The following CDH23 variants were observed in gnomAD, a reference collection of about 807,000 sequenced individuals.
CDH23 encodes cadherin-23.
CDH23 carries 189 observed loss-of-function variants against 317.1 expected under a neutral mutation model. The ratio of observed to expected loss-of-function variants is 0.60; its 90% CI spans 0.53 to 0.67. The LOEUF (loss-of-function observed/expected upper bound fraction) is 0.67, where lower values mean the gene tolerates loss of function less well. CDH23 is among the 30% of genes least tolerant of loss of function. The probability of loss-of-function intolerance (pLI) is 0.00; values close to 1 mark genes in which losing one functional copy is unlikely to be tolerated. For synonymous variants in CDH23, 1,839 were observed against 1,876.8 expected (o/e 0.98, Z 0.52); for missense variants, 4,401 against 4,592.4 (o/e 0.96, Z 1.20).
intron 22 of CDH23, among the ~76,000 whole-genome samples, chr10:71,697,986 C>G (rs754599161): frequency 6.6e-6 from 1 of 152,110 alleles, no homozygotes; most frequent in South Asian, 2.1e-4. Context: ...GATAAAAGGG[C>G]AAAATCAAAA....
chr10:71,775,982 T>C (rs778701468), intron 38 of CDH23, among the ~76,000 whole-genome samples: 2 of 152,160 alleles, frequency 1.3e-5, no homozygotes, highest in Non-Finnish European at 2.9e-5. Flanking sequence ...GGAAAGGGGC[T>C]GAATTCCAGC....
chr10:71,707,295 G>T, intron 26 of CDH23: 3 of 1,432,330 alleles, frequency 2.1e-6, no homozygotes, highest in Non-Finnish European at 2.7e-6. Flanking sequence ...TTGCAGGGAC[G>T]GGGAGCATCT....
In CDH23 at chr10:71,675,102, G is replaced by A. The variant is rs751220612; in HGVS notation, c.1450-10G>A. On this transcript the variant is annotated splice_polypyrimidine_tract_variant and intron_variant, in intron 14 of 69. Transcript: ENST00000224721. ...CTGGCAGTAATGACTTCTTGTTCTC[G>A]CTGTTGCAGGCAACTGACAATGATG... is the stretch of plus-strand genomic sequence containing the variant. 61 of 1,613,370 alleles carry A rather than the reference G, an allele frequency of 3.8e-5. No individual in the cohort carries two copies. Among genetic ancestry groups the A allele is most frequent in the Middle Eastern group, 1.6e-4 (1 of 6,082 alleles).
chr10:71,668,724 G>A (rs756003046), intron 14 of CDH23, among the ~76,000 whole-genome samples: 13 of 152,100 alleles, frequency 8.5e-5, no homozygotes, highest in Non-Finnish European at 1.8e-4. Context: ...CCTTCCCCTC[G>A]CTACAGCCAG....
At chr10:71,534,973 G>C (rs1194971047) in intron 6 of CDH23, among the ~76,000 whole-genome samples, 3 of 152,274 alleles carry the variant, frequency 2.0e-5, no homozygotes, top group Admixed American at 6.5e-5. Context: ...AAGAGCCCCT[G>C]TCTTCCCCTC....
At chr10:71,718,920 GT>G (rs1364371995) in intron 28 of CDH23, among the ~76,000 whole-genome samples, 1 of 151,812 alleles carries the variant, frequency 6.6e-6, no homozygotes, top group Non-Finnish European at 1.5e-5. Context: ...AAAAAAAAAG[GT>G]TTTTTAATTA....
At chr10:71,742,048 TC>T in intron 38 of CDH23, 127 bp downstream of exon 38, 1 of 794,498 alleles carries the variant, frequency 1.3e-6, no homozygotes, top group Non-Finnish European at 2.0e-6. Context: ...ACTCCTTTAG[TC>T]CATCTGCCTT....
At chr10:71,808,594 T>C (rs948751805) in intron 60 of CDH23, among the ~76,000 whole-genome samples, 4 of 152,244 alleles carry the variant, frequency 2.6e-5, no homozygotes, top group Admixed American at 2.6e-4. Context: ...TGAGACCCTC[T>C]GGGTCAGGCT....
At chr10:71,532,711 G>GTTTTTTTTTTTTTTT (rs531593760) in intron 6 of CDH23, among the ~76,000 whole-genome samples, 21 of 128,078 alleles carry the variant, frequency 1.6e-4, no homozygotes, top group Non-Finnish European at 2.5e-4. Context: ...TTTTGTTTTT[G>GTTTTTTTTTTTTTTT]TTTTTTTTTT....
chr10:71,421,938 G>GGCATCCT lies in CDH23; in HGVS notation c.-5-17888_-5-17882dup, dbSNP rs1848839384. ...AAAGAGGAAGGGTGTTAAGAGGAAA[G>GGCATCCT]GCATCCTTATTAACCAAGTTGTCCA... On this transcript the variant is annotated intron_variant, in intron 1 of 69. Transcript: ENST00000224721. Among the ~76,000 whole-genome samples, 6 of 151,996 alleles carry GGCATCCT rather than the reference G, an allele frequency of 3.9e-5. No individual in the cohort carries two copies. The South Asian group carries it at 1.2e-3, about 32-fold the overall frequency.
At chr10:71,646,368 G>T in intron 13 of CDH23, 91 bp from the exon 14 acceptor site, 1 of 1,558,086 alleles carries the variant, frequency 6.4e-7, no homozygotes, top group Non-Finnish European at 8.7e-7. Flanking sequence ...CTGGGCTGGG[G>T]CCGGCAAAGG....
chr10:71,515,436 T>C (rs528619168), intron 6 of CDH23, among the ~76,000 whole-genome samples: 1 of 148,780 alleles, frequency 6.7e-6, no homozygotes, highest in Non-Finnish European at 1.5e-5. Flanking sequence ...ATACACATTG[T>C]ACTTTTCTAA....
Position 71,509,967 on chromosome 10 carries a change from T to C in CDH23, c.146-115T>C, listed in dbSNP as rs1003352855. On this transcript the variant is annotated intron_variant, in intron 3 of 69. Coordinates refer to ENST00000224721, the MANE Select transcript of CDH23 (RefSeq NM_022124.6). ...GGCCTTGTGATGATCTGTGGCCTGCTGGAGGATTGCTGAATGGCCACTCCC... is the reference window on the plus strand; with the variant it reads ...GGCCTTGTGATGATCTGTGGCCTGCCGGAGGATTGCTGAATGGCCACTCCC... The C allele has an allele frequency of 3.3e-6, 4 of 1,198,414 alleles. No individual in the cohort carries two copies. In the African/African-American group the frequency reaches 4.5e-5, roughly 13 times the overall value. 74.2% of individuals were successfully genotyped at this position (1,198,414 alleles called of 1,614,324 possible).
chr10:71,598,749 G>A (rs1176658801), intron 9 of CDH23, among the ~76,000 whole-genome samples: 5 of 152,258 alleles, frequency 3.3e-5, no homozygotes, highest in African/African-American at 1.2e-4. Flanking sequence ...TGGTCGAAAA[G>A]GCAAGGACGT....
intron 3 of CDH23, among the ~76,000 whole-genome samples, chr10:71,501,205 T>C (rs1853312150): frequency 6.6e-6 from 1 of 152,204 alleles, no homozygotes; most frequent in Non-Finnish European, 1.5e-5. Context: ...ACAGGGATGC[T>C]AACCCCTCTG....
At chr10:71,690,615 C>A (rs1322163269) in intron 20 of CDH23, 31 bp downstream of exon 20, 1 of 1,463,458 alleles carries the variant, frequency 6.8e-7, no homozygotes, top group East Asian at 2.4e-5. Flanking sequence ...TACCCTGGTC[C>A]TCCACACCCT....
Position 71,577,973 on chromosome 10 carries a change from T to G in CDH23, c.813T>G (p.Ile271Met). 6.2e-7 allele frequency: 1 copy of G among 1,602,882 alleles called. No homozygotes were observed. The highest frequency in any genetic ancestry group is 2.3e-5 in the East Asian group (1 of 44,402). Residue 271 changes from isoleucine (I) to methionine (M), a missense_variant, in exon 9 of 70, where the codon ATT becomes ATG. By Grantham distance (10) the Ile-to-Met change is conservative. Transcript: ENST00000224721. Reference sequence around the variant, plus strand: ...AGGATAAAGGACGTCCCCGGGGCATTGGCTACACCATCGTTTCAGGTAAGA... The same window carrying G: ...AGGATAAAGGACGTCCCCGGGGCATGGGCTACACCATCGTTTCAGGTAAGA... Reference protein sequence around the residue: ...IDQDKGRPRGIGYTIVSGNTN... With the variant: ...IDQDKGRPRGMGYTIVSGNTN...
chr10:71,401,067 G>A (rs1013301617), intron 1 of CDH23, among the ~76,000 whole-genome samples: 1 of 152,162 alleles, frequency 6.6e-6, no homozygotes, highest in African/African-American at 2.4e-5. Context: ...TTTACAAGTC[G>A]AACCCTACTG....
intron 14 of CDH23, among the ~76,000 whole-genome samples, chr10:71,660,206 C>T (rs535397307): frequency 5.8e-4 from 88 of 152,072 alleles, no homozygotes; most frequent in African/African-American, 2.0e-3. Flanking sequence ...TGATCCACCC[C>T]GCTCGGCCTC....
Sources: allele counts gnomAD v4.1 joint callset (sites outside exome capture counted in the v4.1 genomes callset), GRCh38; gene constraint gnomAD v4.1.1; transcripts MANE v1.5; gene names NCBI Gene and HGNC (gene_info 2026-07-23, HGNC 2026-07-21).